ESRRG: variants seen among roughly 807,000 people sequenced by gnomAD.
ESRRG encodes estrogen-related receptor gamma.
In ESRRG, 13 loss-of-function variants were observed where a neutral mutation model predicts 44.0. The observed-to-expected ratio is 0.30, with a 90% CI of 0.19 to 0.47. The LOEUF is 0.47. Among genes scored for constraint, ESRRG ranks in the 20% least tolerant of loss-of-function variants. ESRRG has a pLI of 1.00. For missense variants in ESRRG, 395 were observed against 580.6 expected (o/e 0.68, Z 3.29); for synonymous variants, 215 against 214.6 (o/e 1.00, Z -0.02).
chr1:217,065,308 G>C (rs932288771), intron 1 of ESRRG, among the ~76,000 whole-genome samples: 3 of 152,202 alleles, frequency 2.0e-5, no homozygotes, highest in African/African-American at 7.2e-5. Context: ...CTCAGCAGGT[G>C]TGAAAACAGC....
intron 2 of ESRRG, among the ~76,000 whole-genome samples, chr1:216,933,602 G>A (rs1009493398): frequency 6.6e-6 from 1 of 152,148 alleles, no homozygotes; most frequent in Non-Finnish European, 1.5e-5. Flanking sequence ...CAAGAACATG[G>A]ATAAGACCAA....
intron 2 of ESRRG, among the ~76,000 whole-genome samples, chr1:216,807,732 G>T (rs1034576225): frequency 6.6e-6 from 1 of 151,632 alleles, no homozygotes; most frequent in Non-Finnish European, 1.5e-5. Context: ...AAAAAATCAT[G>T]AATTGTAATT....
intron 1 of ESRRG, among the ~76,000 whole-genome samples, chr1:217,088,684 C>T (rs2092243481): frequency 6.6e-6 from 1 of 151,902 alleles, no homozygotes; most frequent in African/African-American, 2.4e-5. Context: ...ACAGGCCCTT[C>T]CGGACTCTTC....
chr1:216,772,633 T>C (rs2093429023), intron 2 of ESRRG, among the ~76,000 whole-genome samples: 1 of 152,136 alleles, frequency 6.6e-6, no homozygotes, highest in African/African-American at 2.4e-5. Flanking sequence ...GTGTATGTTA[T>C]TTACCAGTGA....
intron 2 of ESRRG, among the ~76,000 whole-genome samples, chr1:216,789,138 C>T (rs1329542421): frequency 6.6e-6 from 1 of 152,128 alleles, no homozygotes; most frequent in East Asian, 1.9e-4. Flanking sequence ...AGGATTGACT[C>T]TCATTTTGGC....
chr1:216,935,867 G>A (rs190379704), intron 2 of ESRRG, among the ~76,000 whole-genome samples: 8 of 152,070 alleles, frequency 5.3e-5, no homozygotes, highest in Admixed American at 1.3e-4. Flanking sequence ...TGCCTGCCTC[G>A]GCCTCCCAAA....
At chr1:216,516,169 A>T (rs552406418) in intron 6 of ESRRG, among the ~76,000 whole-genome samples, 2 of 152,170 alleles carry the variant, frequency 1.3e-5, no homozygotes, top group African/African-American at 2.4e-5. Flanking sequence ...ATACTAAAAA[A>T]TAAGAGAATA....
chr1:216,521,731 T>G (rs1444926933), intron 5 of ESRRG, among the ~76,000 whole-genome samples: 1 of 152,146 alleles, frequency 6.6e-6, no homozygotes, highest in Non-Finnish European at 1.5e-5. Flanking sequence ...AGGAGGAACT[T>G]TTTTATTGAG....
chr1:216,551,729 T>C (rs760701135), intron 5 of ESRRG, among the ~76,000 whole-genome samples: 3 of 152,294 alleles, frequency 2.0e-5, no homozygotes, highest in East Asian at 1.9e-4. Context: ...AATGCTTACA[T>C]GGTATGTTCA....
At position 216,729,699 on chromosome 1, in the gene ESRRG, C is replaced by T. The variant is rs147248520; in HGVS notation, c.-13-52208G>A. Among the ~76,000 whole-genome samples, 14 of 152,206 alleles carry T rather than the reference C, an allele frequency of 9.2e-5. No homozygotes were observed. In the East Asian group the frequency reaches 2.5e-3, roughly 27 times the overall value. ...AGAGAATTCAATTGTACATTGTTTA[C>T]CAGAAAGAAGGGGAGAGAGAAATTG... On this transcript the variant is annotated intron_variant, in intron 2 of 7. Transcript: ENST00000359162.
intron 5 of ESRRG, among the ~76,000 whole-genome samples, chr1:216,544,024 T>G (rs1262702932): frequency 6.6e-6 from 1 of 152,018 alleles, no homozygotes; most frequent in Non-Finnish European, 1.5e-5. Flanking sequence ...GATAACTGTG[T>G]GCACTTGGAA....
chr1:216,971,276 A>G lies in ESRRG; in HGVS notation c.-105-31603T>C, dbSNP rs563899291. ...CAAAGTGAGATCTATAAGAATCATTAGTAATTGGAATGTCCACATTGCATA... is the reference window on the plus strand; with the variant it reads ...CAAAGTGAGATCTATAAGAATCATTGGTAATTGGAATGTCCACATTGCATA... On this transcript the variant is annotated intron_variant, in intron 1 of 7. Coordinates refer to the ESRRG transcript ENST00000359162. Among the ~76,000 whole-genome samples, 160 of 152,384 alleles carry G rather than the reference A, an allele frequency of 1.0e-3. 1 individual carries two copies. The highest frequency in any genetic ancestry group is 3.7e-3 in the African/African-American group (152 of 41,592).
chr1:216,651,979 C>T (rs558229776), intron 2 of ESRRG, among the ~76,000 whole-genome samples: 115 of 152,094 alleles, frequency 7.6e-4, no homozygotes, highest in African/African-American at 2.7e-3. Context: ...AAAGAAGCTG[C>T]CTTTAAAATA....
chr1:216,874,182 A>AG (rs1272150703), intron 2 of ESRRG, among the ~76,000 whole-genome samples: 1 of 152,144 alleles, frequency 6.6e-6, no homozygotes, highest in East Asian at 1.9e-4. Flanking sequence ...AGCTACCAGA[A>AG]GGGGAACAAT....
At chr1:216,914,503 C>G (rs2060890048) in intron 2 of ESRRG, among the ~76,000 whole-genome samples, 1 of 152,114 alleles carries the variant, frequency 6.6e-6, no homozygotes, top group Non-Finnish European at 1.5e-5. Flanking sequence ...CAGCATTTCT[C>G]AGAAGGAACG....
At chr1:216,834,324 C>T (rs573236260) in intron 2 of ESRRG, among the ~76,000 whole-genome samples, 11 of 152,206 alleles carry the variant, frequency 7.2e-5, no homozygotes, top group African/African-American at 2.6e-4. Flanking sequence ...TCACTTGAGC[C>T]CAGGAGTTTG....
At chr1:217,002,301 AAAAAAAAAAAAAAGAAAG>A (rs2077132176) in intron 1 of ESRRG, among the ~76,000 whole-genome samples, 1 of 62,446 alleles carries the variant, frequency 1.6e-5, no homozygotes, top group Non-Finnish European at 2.6e-5. Context: ...GATTCTGTCT[AAAAAAAAAAAAAAGAAAG>A]AAAGAAAAAA....
intron 2 of ESRRG, among the ~76,000 whole-genome samples, chr1:216,770,909 T>C (rs1211751468): frequency 6.6e-6 from 1 of 152,136 alleles, no homozygotes; most frequent in South Asian, 2.1e-4. Context: ...TTCATTCATT[T>C]ATTCATTCAT....
At chr1:216,810,642 A>G (rs1178549586) in intron 2 of ESRRG, among the ~76,000 whole-genome samples, 1 of 147,932 alleles carries the variant, frequency 6.8e-6, no homozygotes. Flanking sequence ...GTTTATATAT[A>G]AAATCTGCCT....
Sources: gnomAD v4.1 joint callset for allele counts (sites outside exome capture counted in the v4.1 genomes callset) on GRCh38, gnomAD v4.1.1 for gene constraint, MANE v1.5 for transcripts, NCBI Gene and HGNC (gene_info 2026-07-23, HGNC 2026-07-21) for gene names.